The following MAML3 variants were observed in gnomAD, a reference collection of about 807,000 sequenced individuals.
MAML3 encodes mastermind-like protein 3.
MAML3 carries 27 observed loss-of-function variants against 101.9 expected under a neutral mutation model. The ratio of observed to expected loss-of-function variants is 0.27; its 90% CI spans 0.20 to 0.37. The LOEUF (loss-of-function observed/expected upper bound fraction) is 0.37, where lower values mean the gene tolerates loss of function less well. Among genes scored for constraint, MAML3 ranks in the 10% least tolerant of loss-of-function variants. MAML3 has a pLI of 1.00. For synonymous variants in MAML3, 501 were observed against 555.9 expected (o/e 0.90, Z 1.39); for missense variants, 1,316 against 1,444.9 (o/e 0.91, Z 1.45).
chr4:139,891,578 G>C (rs1732500497), intron 1 of MAML3, among the ~76,000 whole-genome samples: 1 of 152,124 alleles, frequency 6.6e-6, no homozygotes, highest in Non-Finnish European at 1.5e-5. Flanking sequence ...ATGAATGCTA[G>C]ACATGAGACT....
In MAML3 at chr4:139,890,237, G is replaced by A; in HGVS notation, c.1199C>T (p.Thr400Ile). 3.7e-6 allele frequency: 6 copies of A among 1,613,686 alleles called. No individual in the cohort carries two copies. The highest frequency in any genetic ancestry group is 5.1e-6 in the Non-Finnish European group (6 of 1,179,892). The change falls in exon 2 of 5, where the codon ACT becomes ATT. Residue 400 changes from threonine to isoleucine, a missense_variant. Physicochemically the swap from Thr to Ile is moderately conservative, Grantham distance 89. Transcript: ENST00000509479. The surrounding 1 kb of genome is among the most constrained non-coding windows in gnomAD (Gnocchi z 4.1). ...TATSLPSVAS[T>I]PAAPNPASSP... ...GCTTGCAGGGTTTGGAGCTGCGGGA[G>A]TGCTGGCAACAGAAGGTAAACTAGT... is the stretch of plus-strand genomic sequence containing the variant.
intron 1 of MAML3, among the ~76,000 whole-genome samples, chr4:139,906,139 G>A (rs1323731353): frequency 1.3e-5 from 2 of 152,104 alleles, no homozygotes; most frequent in South Asian, 2.1e-4. Context: ...GAGATGGGGG[G>A]CGGGTCTCAC....
At chr4:139,958,537 T>A (rs1305695765) in intron 1 of MAML3, among the ~76,000 whole-genome samples, 2 of 152,116 alleles carry the variant, frequency 1.3e-5, no homozygotes, top group Non-Finnish European at 2.9e-5. Flanking sequence ...GGAATAGACT[T>A]CTGCCAGGGG....
intron 1 of MAML3, among the ~76,000 whole-genome samples, chr4:140,037,511 A>G (rs1034339696): frequency 6.6e-6 from 1 of 152,240 alleles, no homozygotes; most frequent in Non-Finnish European, 1.5e-5. Flanking sequence ...ACAAAAAGGA[A>G]TCTGAGTAAT....
chr4:140,108,751 C>G (rs556060532), intron 1 of MAML3, among the ~76,000 whole-genome samples: 1 of 151,704 alleles, frequency 6.6e-6, no homozygotes, highest in East Asian at 1.9e-4. Flanking sequence ...ATCTTTTCAC[C>G]TACTCTTGTT....
intron 2 of MAML3, among the ~76,000 whole-genome samples, chr4:139,854,026 T>C (rs1731610232): frequency 6.6e-6 from 1 of 152,024 alleles, no homozygotes; most frequent in African/African-American, 2.4e-5. Context: ...TTTCACCATG[T>C]TGGCCAGGCT....
chr4:139,989,062 T>A (rs1734610526), intron 1 of MAML3, among the ~76,000 whole-genome samples: 1 of 152,156 alleles, frequency 6.6e-6, no homozygotes, highest in Non-Finnish European at 1.5e-5. Context: ...GCAAGTCGCC[T>A]CAGTTGGCAG....
intron 2 of MAML3, among the ~76,000 whole-genome samples, chr4:139,881,584 G>T (rs1348967798): frequency 6.6e-6 from 1 of 152,112 alleles, no homozygotes; most frequent in East Asian, 1.9e-4. Context: ...GCTTTATTTT[G>T]CCTCTCTCTT....
chr4:139,771,832 G>A lies in MAML3; in HGVS notation c.2080-41165C>T, dbSNP rs1438492347. Among the ~76,000 whole-genome samples, 4 of 151,938 alleles carry A rather than the reference G, an allele frequency of 2.6e-5. No homozygotes were observed. The South Asian group carries it at 6.2e-4, about 24-fold the overall frequency. On this transcript the variant is annotated intron_variant, in intron 2 of 4. Transcript: ENST00000509479. ...ATCCCAGATTTGGATCTCTGGGATGGGGCCCGAGTATCTTCAATTGGAACA... is the reference window on the plus strand; with the variant it reads ...ATCCCAGATTTGGATCTCTGGGATGAGGCCCGAGTATCTTCAATTGGAACA...
chr4:140,078,533 G>A (rs947651786), intron 1 of MAML3, among the ~76,000 whole-genome samples: 1 of 152,152 alleles, frequency 6.6e-6, no homozygotes, highest in African/African-American at 2.4e-5. Context: ...CTTGCCACAG[G>A]ATGGGGGAGG....
rs1163710823 is a variant in MAML3 at position 139,767,794 on chromosome 4, G to C, written c.2080-37127C>G. ...TGTGTGTGCACACATGCATTTCTCT[G>C]GAGTAAAGGGTTAGAGAGAATCTCA... On this transcript the variant is annotated intron_variant, in intron 2 of 4. Coordinates refer to ENST00000509479, the MANE Select transcript of MAML3 (RefSeq NM_018717.5). Among the ~76,000 whole-genome samples, 3 of 152,218 alleles carry C rather than the reference G, an allele frequency of 2.0e-5. No individual in the cohort carries two copies. In the East Asian group the frequency reaches 5.8e-4, roughly 29 times the overall value.
chr4:140,011,334 C>CTTTT (rs1578641848), intron 1 of MAML3, among the ~76,000 whole-genome samples: 3 of 81,012 alleles, frequency 3.7e-5, no homozygotes, highest in Non-Finnish European at 9.0e-5. Flanking sequence ...TCAAGGTTTT[C>CTTTT]TTGTTTTGTT....
chr4:139,781,210 C>T (rs186395827), intron 2 of MAML3, among the ~76,000 whole-genome samples: 2 of 152,030 alleles, frequency 1.3e-5, no homozygotes, highest in African/African-American at 4.8e-5. Context: ...CAGAGGAAAA[C>T]CCAGAAACAC....
At position 140,152,424 on chromosome 4, in the gene MAML3, G is replaced by A. The variant is rs745485336; in HGVS notation, c.468+436C>T. On this transcript the variant is annotated intron_variant, in intron 1 of 4. Transcript: ENST00000509479. The stretch of plus-strand genomic sequence containing the variant: ...GCACCCGGCGGATGTGCTGAGAGGG[G>A]TGGGCGTAGGGGGACGGGTCTGGGG... Among the ~76,000 whole-genome samples the A allele has an allele frequency of 3.8e-4, 58 of 152,166 alleles. 1 individual carries two copies. The highest frequency in any genetic ancestry group is 7.4e-4 in the Non-Finnish European group (50 of 68,022).
chr4:140,023,218 T>C (rs1313383159), intron 1 of MAML3, among the ~76,000 whole-genome samples: 1 of 152,220 alleles, frequency 6.6e-6, no homozygotes, highest in East Asian at 1.9e-4. Flanking sequence ...CTTATTTTCC[T>C]GTGTGATTTA....
Position 140,018,259 on chromosome 4 carries a change from T to C in MAML3, c.469-127292A>G, listed in dbSNP as rs185160770. On this transcript the variant is annotated intron_variant, in intron 1 of 4. Coordinates refer to ENST00000509479, the MANE Select transcript of MAML3 (RefSeq NM_018717.5). ...AAAAGCCAAACAAATGTATAACGCA[T>C]AATAAAAAAACCAAAACCCTTTACA... Among the ~76,000 whole-genome samples the C allele has an allele frequency of 4.0e-4, 61 of 151,630 alleles. 2 individuals are homozygous for C. In the East Asian group the frequency reaches 0.011, roughly 27 times the overall value.
At chr4:139,863,294 T>G (rs1022210558) in intron 2 of MAML3, among the ~76,000 whole-genome samples, 6 of 152,152 alleles carry the variant, frequency 3.9e-5, no homozygotes, top group African/African-American at 1.2e-4. Flanking sequence ...TTCATTTGTT[T>G]GTTGTGAGAT....
intron 2 of MAML3, among the ~76,000 whole-genome samples, chr4:139,874,511 A>G (rs1362242330): frequency 1.3e-5 from 2 of 152,048 alleles, no homozygotes; most frequent in Admixed American, 1.3e-4. Flanking sequence ...CATATATATG[A>G]TAATATATTT....
intron 2 of MAML3, among the ~76,000 whole-genome samples, chr4:139,878,866 A>G (rs1732166252): frequency 6.6e-6 from 1 of 152,172 alleles, no homozygotes; most frequent in Non-Finnish European, 1.5e-5. Flanking sequence ...GTCGCCTTTA[A>G]TGTGTGTAGT....
Sources: allele counts gnomAD v4.1 joint callset (sites outside exome capture counted in the v4.1 genomes callset), GRCh38; gene constraint gnomAD v4.1.1; non-coding constraint Gnocchi (gnomAD v3.1); transcripts MANE v1.5; gene names NCBI Gene and HGNC (gene_info 2026-07-23, HGNC 2026-07-21).